GALNTL5: variants seen among roughly 807,000 people sequenced by gnomAD.
The protein encoded by GALNTL5 is inactive polypeptide N-acetylgalactosaminyltransferase-like protein 5.
In GALNTL5, 44 loss-of-function variants were observed where a neutral mutation model predicts 51.0. That is an observed-to-expected ratio of 0.86 (90% CI 0.68 to 1.11). GALNTL5 has a LOEUF of 1.11. Ranked by LOEUF, GALNTL5 falls within the 50% of genes least tolerant of loss-of-function variation. The pLI, the probability that GALNTL5 is intolerant of heterozygous loss-of-function variation, is 0.00. For missense variants in GALNTL5, 528 were observed against 531.8 expected (o/e 0.99, Z 0.07); for synonymous variants, 192 against 182.8 (o/e 1.05, Z -0.41).
Position 152,002,743 on chromosome 7 carries a change from T to C in GALNTL5, c.688T>C (p.Cys230Arg), listed in dbSNP as rs2081596821. The change falls in exon 6 of 9, where the codon TGT becomes CGT. Residue 230 changes from cysteine (C) to arginine (R), a missense_variant. By Grantham distance (180) the Cys-to-Arg change is radical. Coordinates refer to ENST00000392800, the MANE Select transcript of GALNTL5 (RefSeq NM_145292.4). The part of the protein sequence containing the change: ...GDVLVFLDSH[C>R]EVNRVWLEPL... ...TGTTCTGGTGTTCCTGGACAGCCACTGTGAGGTGAACAGAGTATGGCTGGA... is the reference window on the plus strand; with the variant it reads ...TGTTCTGGTGTTCCTGGACAGCCACCGTGAGGTGAACAGAGTATGGCTGGA... 1 of 1,614,080 alleles carries C rather than the reference T, an allele frequency of 6.2e-7. No individual in the cohort carries two copies. The highest frequency in any genetic ancestry group is 1.3e-5 in the African/African-American group (1 of 74,934).
chr7:151,996,907 G>A (rs1434845551), intron 5 of GALNTL5, among the ~76,000 whole-genome samples: 2 of 152,002 alleles, frequency 1.3e-5, no homozygotes, highest in Admixed American at 1.3e-4. Flanking sequence ...TACGTTTAAG[G>A]GTGAAAATGT....
rs373623925 is a variant in GALNTL5, at chr7:151,987,296, G to A, written c.658+15G>A. 51 of 1,548,402 alleles carry A rather than the reference G, an allele frequency of 3.3e-5. No individual in the cohort carries two copies. The highest frequency in any genetic ancestry group is 4.2e-5 in the African/African-American group (3 of 70,780). On this transcript the variant is annotated intron_variant, in intron 5 of 8. Transcript: ENST00000392800. ...TCATGCTTCAGGTAGGAACATTCCT[G>A]GGGACAAGAGCCAGTGACGGCGTCA...
At chr7:151,961,186 C>G (rs896835745) in intron 1 of GALNTL5, among the ~76,000 whole-genome samples, 1 of 151,932 alleles carries the variant, frequency 6.6e-6, no homozygotes, top group African/African-American at 2.4e-5. Flanking sequence ...GAGTGAGACA[C>G]CAACTCACAA....
chr7:152,003,268 C>T (rs557338360), intron 6 of GALNTL5, among the ~76,000 whole-genome samples: 6 of 152,284 alleles, frequency 3.9e-5, no homozygotes, highest in African/African-American at 1.2e-4. Flanking sequence ...ACTAAAAGCT[C>T]AAGTCAAACA....
chr7:151,998,844 T>A (rs2081534721), intron 5 of GALNTL5, among the ~76,000 whole-genome samples: 1 of 149,856 alleles, frequency 6.7e-6, no homozygotes, highest in South Asian at 2.1e-4. Context: ...AAATGGCTAA[T>A]CATGTGGAAA....
chr7:152,013,500 G>A (rs2081765902), intron 7 of GALNTL5, among the ~76,000 whole-genome samples: 1 of 152,118 alleles, frequency 6.6e-6, no homozygotes, highest in African/African-American at 2.4e-5. Context: ...TATCGCTAAA[G>A]TGGTTCTTCT....
At chr7:151,967,516 G>A (rs368168279) in intron 2 of GALNTL5, 23 bp downstream of exon 2, 159 of 1,601,694 alleles carry the variant, frequency 9.9e-5, no homozygotes, top group Non-Finnish European at 1.2e-4. Context: ...ATTTTTTTCC[G>A]TTAGCCATTT....
In GALNTL5 at chr7:151,987,295, T is replaced by G; in HGVS notation, c.658+14T>G. 1 of 1,555,616 alleles carries G rather than the reference T, an allele frequency of 6.4e-7. No homozygotes were observed. Among genetic ancestry groups the G allele is most frequent in the Non-Finnish European group, 8.6e-7 (1 of 1,159,864 alleles). ...CTCATGCTTCAGGTAGGAACATTCC[T>G]GGGGACAAGAGCCAGTGACGGCGTC... On this transcript the variant is annotated intron_variant, in intron 5 of 8. Coordinates refer to ENST00000392800, the MANE Select transcript of GALNTL5 (RefSeq NM_145292.4).
At chr7:151,959,471 A>G (rs552589937) in intron 1 of GALNTL5, among the ~76,000 whole-genome samples, 47 of 152,268 alleles carry the variant, frequency 3.1e-4, no homozygotes, top group African/African-American at 1.1e-3. Context: ...TTTCATTTGT[A>G]AAGTGCTATT....
intron 3 of GALNTL5, among the ~76,000 whole-genome samples, chr7:151,971,644 A>G (rs1362447617): frequency 6.6e-6 from 1 of 152,106 alleles, no homozygotes. Context: ...TGTACCTGAT[A>G]TGGTTTGGCT....
At chr7:151,962,008 T>TTC (rs2080997411) in intron 1 of GALNTL5, among the ~76,000 whole-genome samples, 1 of 149,510 alleles carries the variant, frequency 6.7e-6, no homozygotes, top group Non-Finnish European at 1.5e-5. Context: ...TACCTTCTTT[T>TTC]TTTTTTTTTT....
Position 151,967,149 on chromosome 7 carries a change from G to A in GALNTL5, c.-39-59G>A, listed in dbSNP as rs974006580. On this transcript the variant is annotated intron_variant, in intron 1 of 8. Coordinates refer to ENST00000392800, the MANE Select transcript of GALNTL5 (RefSeq NM_145292.4). ...CTAAAAATGGAATTTAAGCCAAGTA[G>A]GTGATCTACAAACCATTGGAATATC... 4 of 1,086,486 alleles carry A rather than the reference G, an allele frequency of 3.7e-6. No homozygotes were observed. The South Asian group carries it at 4.6e-5, about 12-fold the overall frequency. The allele number at this position is 1,086,486 out of a possible 1,614,324, so 67.3% of individuals were successfully genotyped here.
chr7:151,991,418 T>C (rs1307574918), intron 5 of GALNTL5, among the ~76,000 whole-genome samples: 2 of 152,096 alleles, frequency 1.3e-5, no homozygotes, highest in African/African-American at 2.4e-5. Context: ...TTCTTCCTCA[T>C]GTAAAAAAAA....
intron 5 of GALNTL5, among the ~76,000 whole-genome samples, chr7:151,990,594 C>CAAAAAAAAAAAAAAAAAAA (rs2081416599): frequency 1.5e-5 from 1 of 65,602 alleles, no homozygotes. Context: ...AAAAAAAAAG[C>CAAAAAAAAAAAAAAAAAAA]CCACTTTCTC....
intron 2 of GALNTL5, among the ~76,000 whole-genome samples, chr7:151,968,877 A>G (rs1384221744): frequency 6.6e-6 from 1 of 152,168 alleles, no homozygotes; most frequent in Non-Finnish European, 1.5e-5. Flanking sequence ...ATGACTAATG[A>G]TTTTGAGCAC....
intron 1 of GALNTL5, among the ~76,000 whole-genome samples, chr7:151,965,917 A>C (rs2081053608): frequency 6.6e-6 from 1 of 151,982 alleles, no homozygotes; most frequent in South Asian, 2.1e-4. Context: ...GGAGTTCTTT[A>C]TTCTCCTCCC....
intron 2 of GALNTL5, 43 bp from the exon 3 acceptor site, chr7:151,970,902 A>G (rs762344940): frequency 2.6e-6 from 4 of 1,516,060 alleles, no homozygotes; most frequent in Non-Finnish European, 2.7e-6. Flanking sequence ...CATCACTGCT[A>G]GTAAGCCTTT....
At chr7:151,976,945 G>T (rs1490101414) in intron 3 of GALNTL5, among the ~76,000 whole-genome samples, 1 of 152,128 alleles carries the variant, frequency 6.6e-6, no homozygotes, top group East Asian at 1.9e-4. Context: ...TGGGATTACA[G>T]GCATGAGCCA....
intron 3 of GALNTL5, among the ~76,000 whole-genome samples, chr7:151,980,615 C>A (rs1456515160): frequency 6.6e-6 from 1 of 152,060 alleles, no homozygotes. Context: ...CCCTCTCCTT[C>A]CCTGGTGACT....
Sources: allele counts gnomAD v4.1 joint callset (sites outside exome capture counted in the v4.1 genomes callset), GRCh38; gene constraint gnomAD v4.1.1; transcripts MANE v1.5; gene names NCBI Gene and HGNC (gene_info 2026-07-23, HGNC 2026-07-21).